The following SAMD4A variants were observed in gnomAD, a reference collection of about 807,000 sequenced individuals.
SAMD4A encodes sterile alpha motif domain containing 4A, also known as protein Smaug homolog 1.
Under a neutral mutation model 81.3 loss-of-function variants are expected in SAMD4A, and 33 were observed. The observed-to-expected ratio is 0.41, with a 90% CI of 0.31 to 0.54. The LOEUF is 0.54. Among genes scored for constraint, SAMD4A ranks in the 20% least tolerant of loss-of-function variants. The pLI, the probability that SAMD4A is intolerant of heterozygous loss-of-function variation, is 0.37. For synonymous variants in SAMD4A, 389 were observed against 382.1 expected (o/e 1.02, Z -0.21); for missense variants, 854 against 951.1 (o/e 0.90, Z 1.34).
At chr14:54,651,548 A>C (rs904749574) in intron 2 of SAMD4A, among the ~76,000 whole-genome samples, 2 of 152,238 alleles carry the variant, frequency 1.3e-5, no homozygotes, top group Non-Finnish European at 2.9e-5. Flanking sequence ...ATATGTTGGA[A>C]TTTAAACATA....
intron 2 of SAMD4A, among the ~76,000 whole-genome samples, chr14:54,603,347 C>T (rs778354628): frequency 2.0e-5 from 3 of 152,090 alleles, no homozygotes; most frequent in African/African-American, 4.8e-5. Context: ...TAATTAAACC[C>T]GAAAATACTG....
chr14:54,737,023 G>A lies in SAMD4A; in HGVS notation c.716-1G>A. On this transcript the variant is annotated splice_acceptor_variant, in intron 3 of 12. Coordinates refer to ENST00000554335, the MANE Select transcript of SAMD4A (RefSeq NM_015589.6). LOFTEE classifies it high-confidence loss of function. ...CTATTTCATTTTATTTTTTTTTCCA[G>A]TTCTCTCAGGCCAGGCACACCACAG... The A allele has an allele frequency of 2.5e-6, 4 of 1,610,670 alleles. No homozygotes were observed. Among genetic ancestry groups the A allele is most frequent in the Non-Finnish European group, 3.4e-6 (4 of 1,179,252 alleles).
intron 2 of SAMD4A, among the ~76,000 whole-genome samples, chr14:54,700,277 T>A (rs768914112): frequency 7.2e-5 from 11 of 152,230 alleles, no homozygotes; most frequent in African/African-American, 2.6e-4. Context: ...GAGAAGGTAT[T>A]TGGGGCTCAG....
intron 2 of SAMD4A, among the ~76,000 whole-genome samples, chr14:54,669,449 T>C (rs1003054603): frequency 3.4e-5 from 5 of 145,032 alleles, no homozygotes; most frequent in Admixed American, 6.8e-5. Flanking sequence ...TTCTTTCTTT[T>C]TTTTTTTTTT....
intron 2 of SAMD4A, chr14:54,693,932 T>C (rs2036515512): frequency 6.6e-6 from 1 of 152,238 alleles, no homozygotes; most frequent in Admixed American, 6.5e-5. Context: ...AAGGTGACAT[T>C]TGAGCAAAGA....
At chr14:54,713,599 G>A (rs989120212) in intron 3 of SAMD4A, among the ~76,000 whole-genome samples, 4 of 152,196 alleles carry the variant, frequency 2.6e-5, no homozygotes, top group African/African-American at 9.7e-5. Context: ...TGAAGCCAAT[G>A]GGAGCACAGG....
chr14:54,685,784 C>T, intron 2 of SAMD4A: 1 of 456,662 alleles, frequency 2.2e-6, no homozygotes, highest in Non-Finnish European at 4.4e-6. Flanking sequence ...CTTCCATCTC[C>T]AGAATTCCAT....
chr14:54,685,466 T>C (rs1203367369), intron 2 of SAMD4A, among the ~76,000 whole-genome samples: 1 of 152,242 alleles, frequency 6.6e-6, no homozygotes, highest in Non-Finnish European at 1.5e-5. Flanking sequence ...AGGATTCCAT[T>C]GGATGTATAT....
At chr14:54,723,591 T>G (rs2037317942) in intron 3 of SAMD4A, among the ~76,000 whole-genome samples, 1 of 152,236 alleles carries the variant, frequency 6.6e-6, no homozygotes, top group African/African-American at 2.4e-5. Context: ...TGACCTAAAA[T>G]TTTTACATCC....
At chr14:54,679,834 C>T (rs930569744) in intron 2 of SAMD4A, among the ~76,000 whole-genome samples, 1 of 152,184 alleles carries the variant, frequency 6.6e-6, no homozygotes, top group Non-Finnish European at 1.5e-5. Context: ...GTAACTCTTC[C>T]CTCTGCTCAT....
In SAMD4A at chr14:54,790,186, GC is replaced by G. The variant is rs2039235499; in HGVS notation, c.*1243del. 1 of 152,356 alleles carries G rather than the reference GC, an allele frequency of 6.6e-6. No homozygotes were observed. The highest frequency in any genetic ancestry group is 2.1e-4 in the South Asian group (1 of 4,826). The allele number at this position is 152,356 out of a possible 1,614,324, so 9.4% of individuals were successfully genotyped here. A position where few individuals can be genotyped will look rare whatever the true frequency, so the allele number is the denominator to read the frequency against. Reference sequence around the variant, plus strand: ...GGCTGCATCTACTTCACCTGTCACTGCTGAGGGAGAGGAGGGGAGAAAGGCC... The same window carrying G: ...GGCTGCATCTACTTCACCTGTCACTGTGAGGGAGAGGAGGGGAGAAAGGCC... On this transcript the variant is annotated 3_prime_UTR_variant, in exon 13 of 13. Transcript: ENST00000554335.
At chr14:54,675,367 C>CAAAAAAAAAAAAAAAAAAAAAAAAAA (rs59110762) in intron 2 of SAMD4A, among the ~76,000 whole-genome samples, 6 of 75,386 alleles carry the variant, frequency 8.0e-5, no homozygotes, top group African/African-American at 1.4e-4. Flanking sequence ...ACTCCGTCTC[C>CAAAAAAAAAAAAAAAAAAAAAAAAAA]AAAAAAAAAA....
At chr14:54,738,584 G>A (rs552214463) in intron 4 of SAMD4A, among the ~76,000 whole-genome samples, 1 of 152,328 alleles carries the variant, frequency 6.6e-6, no homozygotes, top group South Asian at 2.1e-4. Context: ...GTACGAAGGG[G>A]ATGTATGTCC....
chr14:54,651,190 C>T (rs549027401), intron 2 of SAMD4A, among the ~76,000 whole-genome samples: 3 of 152,242 alleles, frequency 2.0e-5, no homozygotes, highest in African/African-American at 7.2e-5. Context: ...TTCCTCAAGA[C>T]CTATTGTAGT....
Position 54,784,216 on chromosome 14 carries a change from G to A in SAMD4A, c.2045-321G>A, listed in dbSNP as rs553933794. On this transcript the variant is annotated intron_variant, in intron 11 of 12. Coordinates refer to ENST00000554335, the MANE Select transcript of SAMD4A (RefSeq NM_015589.6). ...GAGATAACAAGGGCCTGGATCATGCGGGGCCTTATGGGCCAGGGCAGGAGG... is the reference window on the plus strand; with the variant it reads ...GAGATAACAAGGGCCTGGATCATGCAGGGCCTTATGGGCCAGGGCAGGAGG... The A allele has an allele frequency of 4.2e-4, 299 of 708,542 alleles. 2 individuals are homozygous for A. Among genetic ancestry groups the A allele is most frequent in the African/African-American group, 3.9e-3 (223 of 56,972 alleles). The allele number at this position is 708,542 out of a possible 1,614,324, so 43.9% of individuals were successfully genotyped here.
chr14:54,755,227 AG>A (rs1386924516), intron 6 of SAMD4A, among the ~76,000 whole-genome samples: 2 of 152,180 alleles, frequency 1.3e-5, no homozygotes, highest in East Asian at 3.8e-4. Context: ...TGAGTGTCAT[AG>A]TATTTGGGGA....
In SAMD4A at chr14:54,702,599, C is replaced by G. The variant is rs1271596651; in HGVS notation, c.715+19C>G. ...AGTACAAGTAAGTTCCCCGGAATCC[C>G]TTTAACGTAGTCTGGTTTGGCGATT... On this transcript the variant is annotated intron_variant, in intron 3 of 12. Coordinates refer to ENST00000554335, the MANE Select transcript of SAMD4A (RefSeq NM_015589.6). 6.2e-7 allele frequency: 1 copy of G among 1,611,088 alleles called. No individual in the cohort carries two copies. The highest frequency in any genetic ancestry group is 1.1e-5 in the South Asian group (1 of 90,988).
chr14:54,594,913 G>C lies in SAMD4A; in HGVS notation c.196+26801G>C, dbSNP rs775616749. On this transcript the variant is annotated intron_variant, in intron 2 of 12. Transcript: ENST00000554335. ...ATACATCTTACAAGGTCTATTTCCAGTTTAGGGCCAACCATGAATGATTAA... is the reference window on the plus strand; with the variant it reads ...ATACATCTTACAAGGTCTATTTCCACTTTAGGGCCAACCATGAATGATTAA... Among the ~76,000 whole-genome samples the C allele has an allele frequency of 2.0e-5, 3 of 152,224 alleles. No homozygotes were observed. In the East Asian group the frequency reaches 5.8e-4, roughly 29 times the overall value.
intron 8 of SAMD4A, among the ~76,000 whole-genome samples, chr14:54,769,660 A>G (rs1344990397): frequency 6.6e-6 from 1 of 152,024 alleles, no homozygotes. Flanking sequence ...CCTGTAGACC[A>G]CTCTAGGGTG....
Sources: gnomAD v4.1 joint callset for allele counts (sites outside exome capture counted in the v4.1 genomes callset) on GRCh38, gnomAD v4.1.1 for gene constraint, MANE v1.5 for transcripts, NCBI Gene and HGNC (gene_info 2026-07-23, HGNC 2026-07-21) for gene names.